The following GSG1L variants were observed in gnomAD, a reference collection of about 807,000 sequenced individuals.
GSG1L encodes the protein GSG1 like, also known as germ cell-specific gene 1-like protein.
Under a neutral mutation model 42.1 loss-of-function variants are expected in GSG1L, and 24 were observed. The observed-to-expected ratio is 0.57, with a 90% CI of 0.41 to 0.80. The LOEUF is 0.80. Ranked by LOEUF, GSG1L falls within the 30% of genes least tolerant of loss-of-function variation. The pLI, the probability that GSG1L is intolerant of heterozygous loss-of-function variation, is 0.00. For missense variants in GSG1L, 445 were observed against 472.2 expected (o/e 0.94, Z 0.53); for synonymous variants, 215 against 203.5 (o/e 1.06, Z -0.48).
intron 2 of GSG1L, among the ~76,000 whole-genome samples, chr16:27,949,458 A>G (rs1031504633): frequency 6.6e-6 from 1 of 152,184 alleles, no homozygotes; most frequent in Non-Finnish European, 1.5e-5. Flanking sequence ...ATTATTAAGA[A>G]TTTCTCAAGA....
intron 3 of GSG1L, among the ~76,000 whole-genome samples, chr16:27,883,335 A>G (rs1040329786): frequency 4.0e-5 from 6 of 151,626 alleles, no homozygotes; most frequent in Non-Finnish European, 8.8e-5. Context: ...GGGATGGGGT[A>G]CATGGGGATG....
chr16:27,811,814 AT>A (rs1460293955), intron 5 of GSG1L, among the ~76,000 whole-genome samples: 3 of 151,596 alleles, frequency 2.0e-5, no homozygotes, highest in African/African-American at 4.9e-5. Flanking sequence ...ATGTTTGGTT[AT>A]TTTTTTTATA....
intron 2 of GSG1L, among the ~76,000 whole-genome samples, chr16:27,896,249 C>A (rs563359782): frequency 4.7e-4 from 72 of 152,294 alleles, no homozygotes; most frequent in African/African-American, 1.7e-3. Flanking sequence ...TGCTTGGGAA[C>A]CATGTGTCAA....
intron 1 of GSG1L, among the ~76,000 whole-genome samples, chr16:28,001,530 G>A (rs2085577867): frequency 6.6e-6 from 1 of 152,188 alleles, no homozygotes; most frequent in Non-Finnish European, 1.5e-5. Context: ...ACAAATCAGA[G>A]AGAGGCAGAC....
chr16:27,860,195 G>A (rs542052900), intron 3 of GSG1L, among the ~76,000 whole-genome samples: 1 of 152,346 alleles, frequency 6.6e-6, no homozygotes, highest in East Asian at 1.9e-4. Flanking sequence ...GGGCACCTGG[G>A]CTGCGGTTAC....
intron 1 of GSG1L, among the ~76,000 whole-genome samples, chr16:27,979,602 A>G (rs151108511): frequency 0.011 from 1,510 of 138,954 alleles, 42 homozygotes; most frequent in African/African-American, 0.038. Flanking sequence ...AGGAAGGAAG[A>G]AAGAAAGGAA....
intron 1 of GSG1L, among the ~76,000 whole-genome samples, chr16:27,980,671 C>G (rs2085315015): frequency 6.6e-6 from 1 of 151,906 alleles, no homozygotes; most frequent in African/African-American, 2.4e-5. Context: ...TCATTTGAGC[C>G]CAGCAGTTCG....
At chr16:28,045,178 G>A (rs1395865359) in intron 1 of GSG1L, among the ~76,000 whole-genome samples, 1 of 152,230 alleles carries the variant, frequency 6.6e-6, no homozygotes, top group East Asian at 1.9e-4. Context: ...CACAGAAAGT[G>A]CAACGCTATG....
At chr16:28,001,915 T>C (rs2085582130) in intron 1 of GSG1L, among the ~76,000 whole-genome samples, 1 of 152,180 alleles carries the variant, frequency 6.6e-6, no homozygotes, top group African/African-American at 2.4e-5. Flanking sequence ...GCAGCCTATG[T>C]ATAGGCAAGA....
chr16:27,992,011 C>T (rs865821193), intron 1 of GSG1L, among the ~76,000 whole-genome samples: 9 of 152,068 alleles, frequency 5.9e-5, no homozygotes, highest in African/African-American at 9.7e-5. Context: ...ATGGCAAGAG[C>T]GACGCCATCT....
intron 2 of GSG1L, among the ~76,000 whole-genome samples, chr16:27,899,077 G>A (rs573218886): frequency 2.0e-5 from 3 of 152,216 alleles, no homozygotes; most frequent in African/African-American, 4.8e-5. Context: ...GGCAAGGCTC[G>A]GGGAGGAGGC....
chr16:27,981,010 C>A (rs1314329346), intron 1 of GSG1L, among the ~76,000 whole-genome samples: 2 of 151,890 alleles, frequency 1.3e-5, no homozygotes, highest in Non-Finnish European at 2.9e-5. Context: ...GGATTCCAAT[C>A]AAGACAGCTT....
chr16:27,971,951 G>C (rs1368014533), intron 1 of GSG1L, among the ~76,000 whole-genome samples: 2 of 152,150 alleles, frequency 1.3e-5, no homozygotes, highest in African/African-American at 4.8e-5. Context: ...TCGGTGACTT[G>C]CCTAAGACCA....
At chr16:28,026,167 C>A (rs1567560473) in intron 1 of GSG1L, among the ~76,000 whole-genome samples, 1 of 152,210 alleles carries the variant, frequency 6.6e-6, no homozygotes, top group African/African-American at 2.4e-5. Context: ...CCATGTCTCT[C>A]CCCACAGACT....
intron 1 of GSG1L, among the ~76,000 whole-genome samples, chr16:28,009,060 T>C (rs1456646989): frequency 2.6e-5 from 4 of 152,160 alleles, no homozygotes; most frequent in Non-Finnish European, 5.9e-5. Flanking sequence ...CCGCCCGCCT[T>C]GGCCTCCCGA....
chr16:28,043,370 A>G (rs2086129552), intron 1 of GSG1L, among the ~76,000 whole-genome samples: 1 of 152,238 alleles, frequency 6.6e-6, no homozygotes, highest in African/African-American at 2.4e-5. Flanking sequence ...TGAGGCTCGG[A>G]GTCCTCTCTC....
intron 3 of GSG1L, among the ~76,000 whole-genome samples, chr16:27,853,201 G>A (rs1451630388): frequency 2.0e-5 from 3 of 152,214 alleles, no homozygotes; most frequent in African/African-American, 7.2e-5. Context: ...TCACGACGGA[G>A]ACCAAAGCCT....
intron 1 of GSG1L, among the ~76,000 whole-genome samples, chr16:27,988,378 T>TCC (rs1321191981): frequency 4.6e-5 from 7 of 151,710 alleles, no homozygotes; most frequent in Non-Finnish European, 2.9e-5. Flanking sequence ...AGAAATGTTA[T>TCC]TAAAAAGACA....
chr16:27,876,749 C>G (rs1389721539), intron 3 of GSG1L, among the ~76,000 whole-genome samples: 1 of 152,178 alleles, frequency 6.6e-6, no homozygotes, highest in Non-Finnish European at 1.5e-5. Context: ...GTGGCACCCA[C>G]CCCGCAGGCC....
Sources: allele counts gnomAD v4.1 joint callset (sites outside exome capture counted in the v4.1 genomes callset), GRCh38; gene constraint gnomAD v4.1.1; transcripts MANE v1.5; gene names NCBI Gene and HGNC (gene_info 2026-07-23, HGNC 2026-07-21).